Variants in PHF21B observed in about 807,000 individuals in gnomAD.
The protein encoded by PHF21B is PHD finger protein 4.
Under a neutral mutation model 62.2 loss-of-function variants are expected in PHF21B, and 22 were observed. That is an observed-to-expected ratio of 0.35 (90% confidence interval 0.25 to 0.51). The LOEUF (loss-of-function observed/expected upper bound fraction) is 0.51, where lower values mean the gene tolerates loss of function less well. Among genes scored for constraint, PHF21B ranks in the 20% least tolerant of loss-of-function variants. The probability of loss-of-function intolerance (pLI) is 0.97; values close to 1 mark genes in which losing one functional copy is unlikely to be tolerated. For missense variants in PHF21B, 701 were observed against 707.9 expected (o/e 0.99, Z 0.11); for synonymous variants, 341 against 314.7 (o/e 1.08, Z -0.88).
chr22:44,945,703 C>T (rs1282665308), intron 2 of PHF21B, among the ~76,000 whole-genome samples: 1 of 112,870 alleles, frequency 8.9e-6, no homozygotes, highest in East Asian at 2.5e-4. Context: ...CTCCCAAATA[C>T]TGTTGGCAGA....
At position 44,884,304 on chromosome 22, in the gene PHF21B, A is replaced by G. The variant is rs892871779; in HGVS notation, c.1378-1000T>C. 7.3e-5 allele frequency among the ~76,000 whole-genome samples: 10 copies of G among 136,668 alleles called. 3 individuals are homozygous for G. 89.7% of individuals were successfully genotyped at this position (136,668 alleles called of 152,430 possible). A position where few individuals can be genotyped will look rare whatever the true frequency, so the allele number is the denominator to read the frequency against. On this transcript the variant is annotated intron_variant, in intron 12 of 12. Coordinates refer to ENST00000313237, the MANE Select transcript of PHF21B (RefSeq NM_138415.5). ...CATGATCACCATTATCACCACCACCACCATCACTGTGATCAGCACCATCAC... is the reference window on the plus strand; with the variant it reads ...CATGATCACCATTATCACCACCACCGCCATCACTGTGATCAGCACCATCAC...
At position 44,882,929 on chromosome 22, in the gene PHF21B, T is replaced by C. The variant is rs2070764173; in HGVS notation, c.*157A>G. 8 of 916,992 alleles carry C rather than the reference T, an allele frequency of 8.7e-6. No homozygotes were observed. In the South Asian group the frequency reaches 1.4e-4, roughly 16 times the overall value. 56.8% of individuals were successfully genotyped at this position (916,992 alleles called of 1,614,324 possible). ...CCGCACCCCCACCTGGTCCTGGCTC[T>C]AGGCCTCTCGCCCAGCTCTTCCTCC... On this transcript the variant is annotated 3_prime_UTR_variant, in exon 13 of 13. Coordinates refer to ENST00000313237, the MANE Select transcript of PHF21B (RefSeq NM_138415.5).
At chr22:44,953,450 G>A (rs922399107) in intron 2 of PHF21B, among the ~76,000 whole-genome samples, 2 of 152,076 alleles carry the variant, frequency 1.3e-5, no homozygotes, top group Admixed American at 6.6e-5. Context: ...AATTTTCCAC[G>A]TTCCCTTTCG....
chr22:45,003,253 T>A (rs2073252350), intron 2 of PHF21B: 1 of 152,260 alleles, frequency 6.6e-6, no homozygotes, highest in African/African-American at 2.4e-5. Flanking sequence ...ATCACTGCCC[T>A]GGGAAAAGGC....
chr22:44,905,664 G>C (rs573752318), intron 5 of PHF21B, among the ~76,000 whole-genome samples: 38 of 151,658 alleles, frequency 2.5e-4, no homozygotes, highest in Non-Finnish European at 3.5e-4. Context: ...AATCTCGCTC[G>C]GTCACCCAGG....
intron 7 of PHF21B, 132 bp downstream of exon 7, chr22:44,893,325 C>G: frequency 1.3e-6 from 1 of 759,142 alleles, no homozygotes; most frequent in South Asian, 1.8e-5. Flanking sequence ...CACCCCCCAG[C>G]CCCACTCCCA....
At chr22:44,938,847 T>C (rs1601620693) in intron 2 of PHF21B, among the ~76,000 whole-genome samples, 2 of 152,252 alleles carry the variant, frequency 1.3e-5, no homozygotes, top group Middle Eastern at 6.8e-3. Flanking sequence ...ATTATGGAAA[T>C]AAATGCACTC....
intron 2 of PHF21B, among the ~76,000 whole-genome samples, chr22:44,923,507 T>C (rs576349081): frequency 3.3e-5 from 5 of 152,090 alleles, no homozygotes; most frequent in African/African-American, 9.6e-5. Context: ...GGCAAAATAA[T>C]AAATTAACTT....
At chr22:44,907,812 T>C (rs1461096020) in intron 5 of PHF21B, among the ~76,000 whole-genome samples, 2 of 152,126 alleles carry the variant, frequency 1.3e-5, no homozygotes, top group Non-Finnish European at 2.9e-5. Context: ...TCATAGGCCC[T>C]GACAATTATT....
chr22:44,886,571 C>T (rs370061708), intron 10 of PHF21B, among the ~76,000 whole-genome samples: 1 of 151,968 alleles, frequency 6.6e-6, no homozygotes, highest in South Asian at 2.1e-4. Context: ...CCTGTGGTCC[C>T]AGCTCCTCAG....
intron 2 of PHF21B, among the ~76,000 whole-genome samples, chr22:44,922,352 G>A (rs1214295277): frequency 4.6e-5 from 7 of 152,154 alleles, no homozygotes; most frequent in Non-Finnish European, 1.5e-5. Context: ...TCAGTTGTGG[G>A]CTGGGCGCGG....
intron 2 of PHF21B, among the ~76,000 whole-genome samples, chr22:44,954,176 C>T (rs1486025005): frequency 2.6e-5 from 4 of 151,954 alleles, no homozygotes; most frequent in African/African-American, 4.8e-5. Flanking sequence ...TTGTACGTTT[C>T]GTTTCTTTCT....
intron 2 of PHF21B, chr22:45,003,765 C>T (rs768325230): frequency 3.9e-5 from 6 of 152,180 alleles, no homozygotes; most frequent in East Asian, 1.9e-4. Flanking sequence ...CGTGGATGAA[C>T]GGTTGGACAG....
intron 2 of PHF21B, among the ~76,000 whole-genome samples, chr22:44,945,728 G>C (rs1020519618): frequency 0.098 from 116 of 1,186 alleles, 1 homozygote; most frequent in African/African-American, 0.17. Context: ...GGGGGGGGGT[G>C]GTATAAAGCA....
chr22:44,882,657 C>T lies in PHF21B; in HGVS notation c.*429G>A, dbSNP rs1317698385. ...ACCACTCAGCTAGTCCATGTGTTCT[C>T]AGCTCGCCCTCCCACAGGACACCAA... On this transcript the variant is annotated 3_prime_UTR_variant, in exon 13 of 13. Coordinates refer to ENST00000313237, the MANE Select transcript of PHF21B (RefSeq NM_138415.5). The T allele has an allele frequency of 6.1e-6, 1 of 162,628 alleles. No individual in the cohort carries two copies. The highest frequency in any genetic ancestry group is 6.2e-5 in the Admixed American group (1 of 16,098). 10.1% of individuals were successfully genotyped at this position (162,628 alleles called of 1,614,324 possible). A position where few individuals can be genotyped will look rare whatever the true frequency, so the allele number is the denominator to read the frequency against.
intron 5 of PHF21B, among the ~76,000 whole-genome samples, chr22:44,908,126 G>T (rs1164904558): frequency 6.6e-6 from 1 of 152,208 alleles, no homozygotes; most frequent in Non-Finnish European, 1.5e-5. Flanking sequence ...TGAGCAGTAG[G>T]TTCTGACCCC....
chr22:44,933,620 G>A, intron 2 of PHF21B: 1 of 822,498 alleles, frequency 1.2e-6, no homozygotes, highest in Middle Eastern at 6.3e-4. Flanking sequence ...AGCGTTAAGT[G>A]GGGTGGGGGA....
At chr22:45,007,568 G>GAGAGGGAGGGGGCAGC in intron 2 of PHF21B, among the ~76,000 whole-genome samples, 1 of 119,868 alleles carries the variant, frequency 8.3e-6, no homozygotes, top group Non-Finnish European at 1.8e-5. Context: ...GCGCGAAGGA[G>GAGAGGGAGGGGGCAGC]GGAGGGAGGG....
At chr22:44,898,722 T>C (rs2071104006) in intron 5 of PHF21B, among the ~76,000 whole-genome samples, 1 of 152,140 alleles carries the variant, frequency 6.6e-6, no homozygotes, top group Non-Finnish European at 1.5e-5. Flanking sequence ...GTTTGGATCC[T>C]GGCTAGAGGA....
Sources: allele counts gnomAD v4.1 joint callset (sites outside exome capture counted in the v4.1 genomes callset), GRCh38; gene constraint gnomAD v4.1.1; transcripts MANE v1.5; gene names NCBI Gene and HGNC (gene_info 2026-07-23, HGNC 2026-07-21).